Variants in MORC1 observed in about 807,000 individuals in gnomAD.
MORC1 encodes the protein MORC family CW-type zinc finger 1, also known as MORC family CW-type zinc finger protein 1.
A neutral mutation model predicts 134.9 loss-of-function variants in MORC1; 59 were observed. The observed-to-expected ratio is 0.44, with a 90% CI of 0.35 to 0.54. The LOEUF (loss-of-function observed/expected upper bound fraction) is 0.54. Ranked by LOEUF, MORC1 falls within the 20% of genes least tolerant of loss-of-function variation. The probability of loss-of-function intolerance (pLI) is 0.00; values close to 1 mark genes in which losing one functional copy is unlikely to be tolerated. For synonymous variants in MORC1, 395 were observed against 391.7 expected (o/e 1.01, Z -0.10); for missense variants, 947 against 1,134.5 (o/e 0.83, Z 2.37).
rs1183314551 is a variant in MORC1 at position 108,979,626 on chromosome 3, C to A, written c.2366G>T (p.Gly789Val). 1.2e-6 allele frequency: 2 copies of A among 1,614,108 alleles called. No individual in the cohort carries two copies. Among genetic ancestry groups the A allele is most frequent in the African/African-American group, 2.7e-5 (2 of 75,034 alleles). ...VPMEDVNLSS[G>V]HIARVSVSGS... Reference sequence around the variant, plus strand: ...ACTCACAGAAACTCTGGCTATGTGTCCAGAACTTAGATTCACATCTTCCAT... The same window carrying A: ...ACTCACAGAAACTCTGGCTATGTGTACAGAACTTAGATTCACATCTTCCAT... Residue 789 changes from glycine (G) to valine (V), a missense_variant, in exon 24 of 28, where the codon GGA (glycine) becomes GTA (valine). Physicochemically the swap from Gly to Val is moderately radical, Grantham distance 109. This residue lies in a region of MORC1 where 722 missense variants were observed against 817.0 expected (regional missense o/e 0.88). Coordinates refer to ENST00000232603, the MANE Select transcript of MORC1 (RefSeq NM_014429.4).
chr3:109,053,106 T>TA (rs200991752), intron 14 of MORC1, among the ~76,000 whole-genome samples: 1,338 of 101,428 alleles, frequency 0.013, 20 homozygotes, highest in African/African-American at 0.031. Flanking sequence ...TGTTATAAAG[T>TA]AAAAAAAAAA....
intron 9 of MORC1, among the ~76,000 whole-genome samples, chr3:109,068,805 G>C (rs1399925746): frequency 1.3e-5 from 2 of 152,250 alleles, no homozygotes; most frequent in African/African-American, 4.8e-5. Flanking sequence ...CATTCTGATG[G>C]CATGCATGGT....
rs1951312014 is a variant in MORC1, at chr3:109,118,119, G to C, written c.-60C>G. On this transcript the variant is annotated 5_prime_UTR_variant, in exon 1 of 28. Coordinates refer to ENST00000232603, the MANE Select transcript of MORC1 (RefSeq NM_014429.4). ...AAGGACACCTGACCGGCAGCCGTTC[G>C]CCTGCGCCCGCGCCCACTCCCACGC... 1.3e-6 allele frequency: 2 copies of C among 1,553,064 alleles called. No homozygotes were observed. Among genetic ancestry groups the C allele is most frequent in the African/African-American group, 2.7e-5 (2 of 73,502 alleles).
chr3:109,056,806 C>T (rs1003796551), intron 13 of MORC1, among the ~76,000 whole-genome samples: 3 of 152,186 alleles, frequency 2.0e-5, no homozygotes, highest in African/African-American at 7.2e-5. Context: ...CTGTCCTTTT[C>T]TGTGCGTCTC....
chr3:108,985,291 T>C (rs925590786), intron 22 of MORC1, among the ~76,000 whole-genome samples: 5 of 152,302 alleles, frequency 3.3e-5, no homozygotes, highest in African/African-American at 1.2e-4. Context: ...TCACAGAACT[T>C]GGTGATTTAT....
At chr3:108,964,157 G>A (rs1439869845) in intron 26 of MORC1, among the ~76,000 whole-genome samples, 1 of 152,192 alleles carries the variant, frequency 6.6e-6, no homozygotes, top group Non-Finnish European at 1.5e-5. Flanking sequence ...AAAAAGTACA[G>A]ATAGTTATGT....
chr3:109,086,926 G>T (rs1467133233), intron 8 of MORC1, among the ~76,000 whole-genome samples: 1 of 151,954 alleles, frequency 6.6e-6, no homozygotes, highest in Admixed American at 6.6e-5. Flanking sequence ...AATATAAAGT[G>T]ACAGATAATA....
chr3:109,029,863 C>A (rs890903767), intron 16 of MORC1, among the ~76,000 whole-genome samples: 1 of 152,134 alleles, frequency 6.6e-6, no homozygotes, highest in Non-Finnish European at 1.5e-5. Flanking sequence ...AGGAAGAGTA[C>A]AGGTTTTGCA....
rs146825314 is a variant in MORC1, at chr3:109,016,615, C to A, written c.1705-9524G>T. On this transcript the variant is annotated intron_variant, in intron 17 of 27. Transcript: ENST00000232603. ...CAGTGGCTCATGCCTGTAATCCCAG[C>A]ACTTTGGGAGGCCGAGGTGCGCAGA... 4.2e-3 allele frequency among the ~76,000 whole-genome samples: 641 copies of A among 152,282 alleles called. 1 individual carries two copies. The highest frequency in any genetic ancestry group is 5.0e-3 in the African/African-American group (209 of 41,562).
intron 8 of MORC1, among the ~76,000 whole-genome samples, chr3:109,082,948 T>C (rs1018659107): frequency 6.6e-6 from 1 of 151,716 alleles, no homozygotes; most frequent in African/African-American, 2.4e-5. Context: ...ACCAAACAGA[T>C]CCAACCCAAA....
intron 14 of MORC1, among the ~76,000 whole-genome samples, chr3:109,041,065 A>G (rs911731657): frequency 6.6e-6 from 1 of 152,004 alleles, no homozygotes; most frequent in Non-Finnish European, 1.5e-5. Flanking sequence ...TAATCCCAGC[A>G]CTTTGGGAGG....
intron 8 of MORC1, among the ~76,000 whole-genome samples, chr3:109,091,077 G>A (rs1576732567): frequency 6.6e-6 from 1 of 152,006 alleles, no homozygotes; most frequent in Non-Finnish European, 1.5e-5. Context: ...ATTAATGTTA[G>A]AACCCATGGG....
At chr3:108,971,523 C>A in intron 24 of MORC1, 121 bp from the exon 25 acceptor site, 1 of 772,420 alleles carries the variant, frequency 1.3e-6, no homozygotes. Flanking sequence ...ACATTAGTTC[C>A]CCCCAAACAT....
chr3:109,010,109 C>G (rs568782113), intron 17 of MORC1, among the ~76,000 whole-genome samples: 5 of 152,290 alleles, frequency 3.3e-5, no homozygotes, highest in East Asian at 1.9e-4. Flanking sequence ...CACATACAGT[C>G]TCTGTTGTGT....
intron 27 of MORC1, among the ~76,000 whole-genome samples, chr3:108,959,658 C>CA (rs1947026826): frequency 1.3e-5 from 2 of 152,216 alleles, no homozygotes; most frequent in South Asian, 4.1e-4. Flanking sequence ...ACTTCTTGAT[C>CA]CATGGAACAG....
chr3:109,059,979 T>C (rs1950042928), intron 11 of MORC1, 109 bp from the exon 12 acceptor site: 1 of 787,706 alleles, frequency 1.3e-6, no homozygotes, highest in Non-Finnish European at 2.0e-6. Context: ...TAGCTCACAT[T>C]ACCTAATGCA....
At chr3:108,959,427 T>C (rs891509017) in intron 27 of MORC1, among the ~76,000 whole-genome samples, 2 of 152,214 alleles carry the variant, frequency 1.3e-5, no homozygotes, top group Non-Finnish European at 2.9e-5. Flanking sequence ...CCTTCTTTGT[T>C]ATAGACTGTA....
intron 21 of MORC1, among the ~76,000 whole-genome samples, chr3:108,988,266 A>C (rs578039306): frequency 5.4e-4 from 82 of 152,322 alleles, no homozygotes; most frequent in African/African-American, 1.9e-3. Context: ...TTTCACCTAA[A>C]TCAAGAGCAA....
At chr3:109,024,343 ATAGATATAAC>A (rs1949026111) in intron 17 of MORC1, among the ~76,000 whole-genome samples, 1 of 152,214 alleles carries the variant, frequency 6.6e-6, no homozygotes, top group Admixed American at 6.5e-5. Flanking sequence ...CTTTGTTAAA[ATAGATATAAC>A]TAGCTGGAAT....
Sources: gnomAD v4.1 joint callset for allele counts (sites outside exome capture counted in the v4.1 genomes callset) on GRCh38, gnomAD v4.1.1 for gene constraint, gnomAD v4.1.1 regional missense constraint, MANE v1.5 for transcripts, NCBI Gene and HGNC (gene_info 2026-07-23, HGNC 2026-07-21) for gene names.